The following PCDH7 variants were observed in gnomAD, a reference collection of about 807,000 sequenced individuals.
The protein encoded by PCDH7 is protocadherin 7.
In PCDH7, 17 loss-of-function variants were observed where a neutral mutation model predicts 58.9. The observed-to-expected ratio is 0.29, with a 90% CI of 0.20 to 0.43. The LOEUF is 0.43. Among genes scored for constraint, PCDH7 ranks in the 20% least tolerant of loss-of-function variants. PCDH7 has a pLI of 1.00. For synonymous variants in PCDH7, 664 were observed against 616.4 expected (o/e 1.08, Z -1.14); for missense variants, 1,274 against 1,441.0 (o/e 0.88, Z 1.88).
intron 3 of PCDH7, among the ~76,000 whole-genome samples, chr4:31,129,195 G>T (rs1175575336): frequency 6.6e-6 from 1 of 152,142 alleles, no homozygotes; most frequent in Non-Finnish European, 1.5e-5. Context: ...TACAGAAAAG[G>T]TCATATGAAT....
At chr4:31,029,394 G>A (rs1754711189) in intron 3 of PCDH7, among the ~76,000 whole-genome samples, 1 of 152,166 alleles carries the variant, frequency 6.6e-6, no homozygotes, top group Non-Finnish European at 1.5e-5. Flanking sequence ...ACATCTAGAG[G>A]GGCGCTCAGC....
intron 3 of PCDH7, among the ~76,000 whole-genome samples, chr4:30,954,137 G>A (rs1040134152): frequency 1.3e-5 from 2 of 152,132 alleles, no homozygotes; most frequent in Non-Finnish European, 2.9e-5. Flanking sequence ...TTTATGGATA[G>A]ATTATGGCAC....
At chr4:30,997,532 C>T (rs930562886) in intron 3 of PCDH7, among the ~76,000 whole-genome samples, 1 of 152,010 alleles carries the variant, frequency 6.6e-6, no homozygotes, top group Non-Finnish European at 1.5e-5. Context: ...TGAGGACAGA[C>T]CATATCATGA....
At chr4:31,077,065 A>G (rs776308623) in intron 3 of PCDH7, among the ~76,000 whole-genome samples, 2 of 152,212 alleles carry the variant, frequency 1.3e-5, no homozygotes, top group Non-Finnish European at 2.9e-5. Context: ...ATGTTATCAT[A>G]TATGCATATA....
chr4:30,803,255 CT>C (rs1398685611), intron 1 of PCDH7, among the ~76,000 whole-genome samples: 5 of 152,068 alleles, frequency 3.3e-5, no homozygotes, highest in African/African-American at 1.2e-4. Context: ...CATTTTGTAT[CT>C]GTGAGTGTGA....
At chr4:30,816,071 T>C (rs1425937324) in intron 1 of PCDH7, among the ~76,000 whole-genome samples, 6 of 152,232 alleles carry the variant, frequency 3.9e-5, no homozygotes, top group African/African-American at 1.4e-4. Context: ...TGCTGATTAA[T>C]TATTAATTTC....
intron 3 of PCDH7, among the ~76,000 whole-genome samples, chr4:31,073,288 T>C (rs554605191): frequency 1.3e-5 from 2 of 152,320 alleles, no homozygotes; most frequent in East Asian, 3.9e-4. Flanking sequence ...CATTGATTTA[T>C]AGCACACATA....
chr4:30,969,171 G>A (rs1045156803), intron 3 of PCDH7, among the ~76,000 whole-genome samples: 4 of 152,066 alleles, frequency 2.6e-5, no homozygotes, highest in East Asian at 3.9e-4. Context: ...TGCAGCCAAC[G>A]TCCATCCTGA....
rs1206260037 is a variant in PCDH7 at position 30,723,774 on chromosome 4, G to A, written c.2352G>A (p.Val784=). The change falls in exon 1 of 2, where the codon GTG becomes GTA. Residue 784 remains valine (V), a synonymous_variant. Coordinates refer to ENST00000361762, the Ensembl canonical transcript of PCDH7. This position sits in a 1 kb window ranked among gnomAD's most constrained non-coding sequence, Gnocchi z 4.6. ...ATGCAGACCTGAACTACAGCATTGT[G>A]GGAGGAAATCCCTTCAAGCTGTTTG... 1 of 1,614,172 alleles carries A rather than the reference G, an allele frequency of 6.2e-7. No homozygotes were observed. The highest frequency in any genetic ancestry group is 8.5e-7 in the Non-Finnish European group (1 of 1,180,042).
intron 3 of PCDH7, among the ~76,000 whole-genome samples, chr4:31,132,048 G>GGAAATACC (rs1215192431): frequency 6.6e-6 from 1 of 152,038 alleles, no homozygotes; most frequent in Non-Finnish European, 1.5e-5. Context: ...AATAACACAT[G>GGAAATACC]GAAATACCTC....
chr4:30,853,085 G>T (rs913264087), intron 1 of PCDH7, among the ~76,000 whole-genome samples: 1 of 151,982 alleles, frequency 6.6e-6, no homozygotes, highest in Non-Finnish European at 1.5e-5. Context: ...GAATGTGAGG[G>T]GGATGGGTGC....
chr4:30,963,215 A>G (rs1748639079), intron 3 of PCDH7, among the ~76,000 whole-genome samples: 1 of 152,222 alleles, frequency 6.6e-6, no homozygotes, highest in Non-Finnish European at 1.5e-5. Context: ...AAGCCTTCTA[A>G]GTATAAAATA....
intron 1 of PCDH7, among the ~76,000 whole-genome samples, chr4:30,739,268 C>T (rs1167578708): frequency 1.3e-5 from 2 of 149,736 alleles, no homozygotes; most frequent in Non-Finnish European, 3.0e-5. Flanking sequence ...CCTTCTTTTC[C>T]TTTGGTCAGC....
At chr4:31,137,380 C>T (rs1362463448) in intron 3 of PCDH7, among the ~76,000 whole-genome samples, 3 of 152,126 alleles carry the variant, frequency 2.0e-5, no homozygotes, top group South Asian at 2.1e-4. Flanking sequence ...ATCAGGAGTT[C>T]GAGACCAGCC....
intron 3 of PCDH7, among the ~76,000 whole-genome samples, chr4:31,041,314 G>A (rs559541587): frequency 4.5e-4 from 69 of 152,192 alleles, no homozygotes; most frequent in Non-Finnish European, 7.4e-4. Context: ...TTTTTTGAGT[G>A]ATGAAAATAT....
intron 1 of PCDH7, among the ~76,000 whole-genome samples, chr4:30,782,633 G>T (rs1722944865): frequency 6.6e-6 from 1 of 152,124 alleles, no homozygotes; most frequent in Non-Finnish European, 1.5e-5. Context: ...TGACATGGGA[G>T]CCCTCATTAA....
intron 3 of PCDH7, among the ~76,000 whole-genome samples, chr4:31,008,286 C>A (rs187493790): frequency 6.6e-6 from 1 of 152,098 alleles, no homozygotes; most frequent in Non-Finnish European, 1.5e-5. Context: ...ATTACTTGGA[C>A]AAAAACAATT....
intron 3 of PCDH7, among the ~76,000 whole-genome samples, chr4:31,133,875 C>A (rs1719274491): frequency 6.6e-6 from 1 of 152,176 alleles, no homozygotes; most frequent in African/African-American, 2.4e-5. Flanking sequence ...TCTTGAGATA[C>A]ATTCAATTGC....
chr4:30,828,507 G>T (rs2109328055), intron 1 of PCDH7, among the ~76,000 whole-genome samples: 1 of 151,886 alleles, frequency 6.6e-6, no homozygotes, highest in Non-Finnish European at 1.5e-5. Flanking sequence ...CAGTTAAGAG[G>T]CAGTTTCCCC....
Sources: allele counts gnomAD v4.1 joint callset (sites outside exome capture counted in the v4.1 genomes callset), GRCh38; gene constraint gnomAD v4.1.1; non-coding constraint Gnocchi (gnomAD v3.1); transcripts MANE v1.5; gene names NCBI Gene and HGNC (gene_info 2026-07-23, HGNC 2026-07-21).